The following ZAP70 variants were observed in gnomAD, a reference collection of about 807,000 sequenced individuals.
ZAP70 encodes the protein zeta chain of T cell receptor associated protein kinase 70.
A neutral mutation model predicts 65.8 loss-of-function variants in ZAP70; 27 were observed. That is an observed-to-expected ratio of 0.41 (90% CI 0.30 to 0.57). The LOEUF is 0.57. ZAP70 is among the 20% of genes least tolerant of loss of function. The pLI, the probability that ZAP70 is intolerant of heterozygous loss-of-function variation, is 0.28. For synonymous variants in ZAP70, 363 were observed against 360.8 expected (o/e 1.01, Z -0.07); for missense variants, 696 against 870.5 (o/e 0.80, Z 2.52).
the ZAP70 span, among the ~76,000 whole-genome samples, chr2:97,750,142 G>A: frequency 1.3e-5 from 2 of 152,246 alleles, no homozygotes; most frequent in East Asian, 3.8e-4. Flanking sequence ...AAATGGCAGA[G>A]CCAGGACTGG....
rs148332283 is a variant in ZAP70, at chr2:97,739,435, C to T, written c.1797C>T (p.Ser599=). The change falls in exon 14 of 14, where the codon AGC becomes AGT. Residue 599 remains serine, a synonymous_variant. Coordinates refer to ENST00000264972, the MANE Select transcript of ZAP70 (RefSeq NM_001079.4). Reference sequence around the variant, plus strand: ...AGCGCATGCGAGCCTGTTACTACAGCCTGGCCAGCAAGGTGGAAGGGCCCC... The same window carrying T: ...AGCGCATGCGAGCCTGTTACTACAGTCTGGCCAGCAAGGTGGAAGGGCCCC... ...VEQRMRACYY[S]LASKVEGPPG... is the part of the protein sequence containing the mutation. 10 of 1,613,748 alleles carry T rather than the reference C, an allele frequency of 6.2e-6. No homozygotes were observed. The highest frequency in any genetic ancestry group is 8.5e-6 in the Non-Finnish European group (10 of 1,179,964).
At chr2:97,723,993 T>TC (rs771005455) in intron 2 of ZAP70, 23 bp from the exon 3 acceptor site, 3 of 1,536,346 alleles carry the variant, frequency 2.0e-6, no homozygotes, top group Non-Finnish European at 8.7e-7. Flanking sequence ...CTGACGTGCC[T>TC]CCGACCCTCT....
At chr2:97,751,319 T>TG in the ZAP70 span, among the ~76,000 whole-genome samples, 14 of 152,216 alleles carry the variant, frequency 9.2e-5, no homozygotes, top group Admixed American at 3.9e-4. Flanking sequence ...GTATAGTTCA[T>TG]ATTTATGTTG....
chr2:97,747,232 G>A, the ZAP70 span, among the ~76,000 whole-genome samples: 3 of 152,306 alleles, frequency 2.0e-5, no homozygotes, highest in South Asian at 2.1e-4. Flanking sequence ...AATGGAAAAC[G>A]TATGTTCACA....
the ZAP70 span, among the ~76,000 whole-genome samples, chr2:97,752,618 T>C: frequency 9.2e-5 from 14 of 152,250 alleles, no homozygotes; most frequent in Non-Finnish European, 1.5e-4. Flanking sequence ...AGTCTTTGTA[T>C]TTGAATGACC....
In ZAP70 at chr2:97,739,539, C is replaced by A. The variant is rs755246931; in HGVS notation, c.*41C>A. 1.9e-6 allele frequency: 3 copies of A among 1,597,568 alleles called. No homozygotes were observed. Among genetic ancestry groups the A allele is most frequent in the Non-Finnish European group, 2.6e-6 (3 of 1,173,020 alleles). On this transcript the variant is annotated 3_prime_UTR_variant, in exon 14 of 14. Transcript: ENST00000264972. ...GGGAGCCCTCCACGCCGGCTCTTCC[C>A]CACCCTCAGCCCCACCCCAGGTCCT...
chr2:97,719,557 G>C (rs77272867), intron 2 of ZAP70, among the ~76,000 whole-genome samples: 7 of 151,368 alleles, frequency 4.6e-5, no homozygotes, highest in African/African-American at 4.9e-5. Flanking sequence ...ACAGCCTGGG[G>C]GGGGGGCGCA....
intron 8 of ZAP70, 151 bp from the exon 9 acceptor site, chr2:97,734,369 G>C: frequency 6.9e-7 from 1 of 1,439,904 alleles, no homozygotes. Flanking sequence ...GTGTGCGTGT[G>C]GATGTGCAGG....
Position 97,737,485 on chromosome 2 carries a change from T to C in ZAP70, c.1302T>C (p.Pro434=). 6.2e-7 allele frequency: 1 copy of C among 1,614,072 alleles called. No individual in the cohort carries two copies. The highest frequency in any genetic ancestry group is 1.1e-5 in the South Asian group (1 of 91,084). Residue 434 remains proline, a synonymous_variant, in exon 11 of 14, where the codon CCT becomes CCC. Transcript: ENST00000264972. The surrounding 1 kb of genome is among the most constrained non-coding windows in gnomAD (Gnocchi z 5.0). ...KFLVGKREEI[P]VSNVAELLHQ... ...CCCGCCACCCCAGGGAGGAGATCCC[T>C]GTGAGCAATGTGGCCGAGCTGCTGC...
chr2:97,738,337 C>T, intron 13 of ZAP70: 1 of 588,516 alleles, frequency 1.7e-6, no homozygotes, highest in Non-Finnish European at 3.1e-6. Context: ...TGGGCCTGTG[C>T]CTCAGCATCT....
the ZAP70 span, among the ~76,000 whole-genome samples, chr2:97,749,097 CCT>C: frequency 6.6e-6 from 1 of 151,416 alleles, no homozygotes; most frequent in Non-Finnish European, 1.5e-5. Flanking sequence ...GCAAGCTCCG[CCT>C]CCCGGGTTCA....
chr2:97,724,235 G>T lies in ZAP70; in HGVS notation c.199G>T (p.Gly67Cys), dbSNP rs745420613. ...CTTTCCCATCGAGCGCCAGCTCAAC[G>T]GCACCTACGCCATTGCCGGCGGCAA... ...HHFPIERQLNGTYAIAGGKAH... is the reference protein window; with the variant it reads ...HHFPIERQLNCTYAIAGGKAH... Residue 67 changes from glycine to cysteine, a missense_variant, in exon 3 of 14, where the codon GGC becomes TGC. Coordinates refer to ENST00000264972, the MANE Select transcript of ZAP70 (RefSeq NM_001079.4). 6.2e-7 allele frequency: 1 copy of T among 1,603,670 alleles called. No homozygotes were observed. Among genetic ancestry groups the T allele is most frequent in the Non-Finnish European group, 8.5e-7 (1 of 1,176,942 alleles).
At chr2:97,734,772 A>G in intron 9 of ZAP70, 60 bp downstream of exon 9, 1 of 1,598,940 alleles carries the variant, frequency 6.3e-7, no homozygotes. Context: ...GAGTGGCTTC[A>G]CCGGGCTGTG....
At chr2:97,729,016 T>A (rs970579487) in intron 4 of ZAP70, among the ~76,000 whole-genome samples, 1 of 152,120 alleles carries the variant, frequency 6.6e-6, no homozygotes, top group Non-Finnish European at 1.5e-5. Context: ...GCCTCCCAAA[T>A]TGCTGGGATC....
chr2:97,715,217 A>C lies in ZAP70; in HGVS notation c.-22+1223A>C, dbSNP rs1444497495. ...GTACAGGGTTAAGGCAGCCATTCTC[A>C]TCAGAGCCAATTTTACCTCCTCCCG... On this transcript the variant is annotated intron_variant, in intron 2 of 13. Transcript: ENST00000264972. The surrounding 1 kb of genome is among the most constrained non-coding windows in gnomAD (Gnocchi z 4.1). Among the ~76,000 whole-genome samples, 1 of 152,040 alleles carries C rather than the reference A, an allele frequency of 6.6e-6. No individual in the cohort carries two copies. Among genetic ancestry groups the C allele is most frequent in the African/African-American group, 2.4e-5 (1 of 41,390 alleles).
chr2:97,731,572 C>A lies in ZAP70; in HGVS notation c.564-1311C>A, dbSNP rs1677609056. ...CTGCCCCACCCTTCACTGCACTGTA[C>A]TTCGGGGAACGTGCTGTCCAGGAAT... On this transcript the variant is annotated intron_variant, in intron 4 of 13. Coordinates refer to ENST00000264972, the MANE Select transcript of ZAP70 (RefSeq NM_001079.4). This position sits in a 1 kb window ranked among gnomAD's most constrained non-coding sequence, Gnocchi z 4.0. Among the ~76,000 whole-genome samples, 1 of 152,156 alleles carries A rather than the reference C, an allele frequency of 6.6e-6. No homozygotes were observed. Among genetic ancestry groups the A allele is most frequent in the Admixed American group, 6.5e-5 (1 of 15,268 alleles).
chr2:97,742,691 T>C (rs1316410458), downstream of ZAP70, among the ~76,000 whole-genome samples: 1 of 152,218 alleles, frequency 6.6e-6, no homozygotes, highest in Non-Finnish European at 1.5e-5. Context: ...GGAAGGTATT[T>C]GTGGGAGGCA....
At chr2:97,749,002 C>A in the ZAP70 span, among the ~76,000 whole-genome samples, 1 of 147,608 alleles carries the variant, frequency 6.8e-6, no homozygotes, top group Admixed American at 6.7e-5. Flanking sequence ...TGTGACACTT[C>A]CCTTTTTTTT....
At chr2:97,751,167 G>A in the ZAP70 span, among the ~76,000 whole-genome samples, 5 of 152,226 alleles carry the variant, frequency 3.3e-5, no homozygotes, top group Non-Finnish European at 7.3e-5. Flanking sequence ...AGCCTGACAT[G>A]GGCTAATAAG....
Sources: allele counts gnomAD v4.1 joint callset (sites outside exome capture counted in the v4.1 genomes callset), GRCh38; gene constraint gnomAD v4.1.1; non-coding constraint Gnocchi (gnomAD v3.1); transcripts MANE v1.5; gene names NCBI Gene and HGNC (gene_info 2026-07-23, HGNC 2026-07-21).